CEACAM19: variants seen among roughly 807,000 people sequenced by gnomAD.
The protein encoded by CEACAM19 is CEA cell adhesion molecule 19.
Under a neutral mutation model 37.6 loss-of-function variants are expected in CEACAM19, and 37 were observed. The ratio of observed to expected loss-of-function variants is 0.98; its 90% CI spans 0.76 to 1.29. CEACAM19 has a LOEUF of 1.29. Ranked by LOEUF, CEACAM19 falls within the 50% of genes most tolerant of loss-of-function variation. The probability of loss-of-function intolerance (pLI) is 0.00; values close to 1 mark genes in which losing one functional copy is unlikely to be tolerated. For synonymous variants in CEACAM19, 140 were observed against 149.8 expected, an observed-to-expected ratio of 0.93 and a Z score of 0.48; for missense variants, 340 against 375.6, an observed-to-expected ratio of 0.91 and a Z score of 0.78.
upstream of CEACAM19, among the ~76,000 whole-genome samples, chr19:44,669,447 A>G (rs1044370268): frequency 6.6e-6 from 1 of 152,014 alleles, no homozygotes; most frequent in Non-Finnish European, 1.5e-5. Flanking sequence ...AAATAGCCAC[A>G]TATGACTAAT....
intron 3 of CEACAM19, 127 bp from the exon 4 acceptor site, chr19:44,678,726 A>C: frequency 1.5e-6 from 2 of 1,364,518 alleles, no homozygotes; most frequent in Non-Finnish European, 2.0e-6. Context: ...TTTTTTACTC[A>C]AAACCGCACA....
chr19:44,674,019 G>T (rs1973902500), intron 2 of CEACAM19, among the ~76,000 whole-genome samples: 1 of 152,126 alleles, frequency 6.6e-6, no homozygotes, highest in African/African-American at 2.4e-5. Context: ...GCTGAAGTGG[G>T]TGGATCACCT....
At chr19:44,669,870 A>C (rs185066826), upstream of CEACAM19, among the ~76,000 whole-genome samples, 6 of 152,196 alleles carry the variant, frequency 3.9e-5, no homozygotes, top group East Asian at 1.2e-3. Flanking sequence ...ATTGTGTGAG[A>C]GGGGTCTGCC....
At chr19:44,676,232 C>T (rs1973945929) in intron 2 of CEACAM19, 39 bp from the exon 3 acceptor site, 1 of 1,605,408 alleles carries the variant, frequency 6.2e-7, no homozygotes, top group Non-Finnish European at 8.5e-7. Flanking sequence ...GGAGACATCG[C>T]ACAGTCCCCC....
intron 4 of CEACAM19, 39 bp downstream of exon 4, chr19:44,678,975 C>T: frequency 6.2e-7 from 1 of 1,610,858 alleles, no homozygotes; most frequent in South Asian, 1.1e-5. Flanking sequence ...AACTAACAAA[C>T]TTGCTATAGC....
At chr19:44,675,624 A>C (rs2122134363) in intron 2 of CEACAM19, among the ~76,000 whole-genome samples, 1 of 152,164 alleles carries the variant, frequency 6.6e-6, no homozygotes, top group Non-Finnish European at 1.5e-5. Flanking sequence ...CTTCTTTACA[A>C]AAAATTTAAA....
Position 44,683,746 on chromosome 19 carries a change from T to C in CEACAM19, c.*256T>C. 1 of 383,416 alleles carries C rather than the reference T, an allele frequency of 2.6e-6. No homozygotes were observed. The highest frequency in any genetic ancestry group is 4.6e-6 in the Non-Finnish European group (1 of 216,130). 23.8% of individuals were successfully genotyped at this position (383,416 alleles called of 1,614,324 possible). A position where few individuals can be genotyped will look rare whatever the true frequency, so the allele number is the denominator to read the frequency against. On this transcript the variant is annotated 3_prime_UTR_variant, in exon 8 of 8. Transcript: ENST00000358777. The stretch of plus-strand genomic sequence containing the variant: ...CCTTCAAGCAAGCTGGCCTGGGCCA[T>C]GTGCCTGTGAAAGGCAGGCTCTGGC...
At chr19:44,677,139 TC>T (rs1485002445) in intron 3 of CEACAM19, among the ~76,000 whole-genome samples, 1 of 152,186 alleles carries the variant, frequency 6.6e-6, no homozygotes, top group African/African-American at 2.4e-5. Context: ...ACCACCTTGT[TC>T]CTGGTAGTTC....
chr19:44,681,656 G>T (rs934054807), intron 6 of CEACAM19, among the ~76,000 whole-genome samples: 1 of 152,158 alleles, frequency 6.6e-6, no homozygotes, highest in Admixed American at 6.5e-5. Context: ...TAGGCTGGGC[G>T]TGGTGGCTCA....
intron 1 of CEACAM19, 91 bp downstream of exon 1, chr19:44,672,077 C>A: frequency 9.5e-7 from 1 of 1,051,474 alleles, no homozygotes; most frequent in Non-Finnish European, 1.4e-6. Flanking sequence ...GGAAAGATTA[C>A]CTGAGAGGAT....
intron 2 of CEACAM19, chr19:44,673,610 G>C (rs1447208042): frequency 6.6e-6 from 1 of 152,082 alleles, no homozygotes; most frequent in Non-Finnish European, 1.5e-5. Context: ...TCCACCCTGG[G>C]ATAAGAATCA....
upstream of CEACAM19, among the ~76,000 whole-genome samples, chr19:44,667,577 TTATA>T (rs979789529): frequency 5.2e-5 from 6 of 114,544 alleles, no homozygotes; most frequent in African/African-American, 1.3e-4. Context: ...TATATATAAA[TTATA>T]TATGTATATA....
chr19:44,670,037 C>G (rs547576255), upstream of CEACAM19, among the ~76,000 whole-genome samples: 1 of 152,212 alleles, frequency 6.6e-6, no homozygotes, highest in East Asian at 1.9e-4. Flanking sequence ...AAAAACTAGG[C>G]TAAGCCAGGT....
upstream of CEACAM19, among the ~76,000 whole-genome samples, chr19:44,668,069 A>G (rs1351084674): frequency 2.3e-5 from 2 of 86,238 alleles, no homozygotes; most frequent in African/African-American, 9.9e-5. Flanking sequence ...AATATATAAT[A>G]TATAAATATA....
intron 3 of CEACAM19, chr19:44,678,529 G>A (rs950272689): frequency 1.0e-5 from 2 of 192,522 alleles, no homozygotes; most frequent in Non-Finnish European, 2.1e-5. Flanking sequence ...TCCTGCCTCA[G>A]CTTCCTGAGT....
intron 4 of CEACAM19, among the ~76,000 whole-genome samples, chr19:44,679,748 CAAAAA>C (rs200399838): frequency 3.6e-5 from 5 of 137,068 alleles, no homozygotes; most frequent in East Asian, 2.1e-4. Flanking sequence ...GACTCTGTCT[CAAAAA>C]AAAAAATTAA....
At chr19:44,678,808 G>A in intron 3 of CEACAM19, 45 bp from the exon 4 acceptor site, 1 of 1,606,592 alleles carries the variant, frequency 6.2e-7, no homozygotes, top group Non-Finnish European at 8.5e-7. Flanking sequence ...ATATTCTACT[G>A]TCAATGCTTT....
rs766412494 is a variant in CEACAM19 at position 44,672,646 on chromosome 19, A to C, written c.106A>C (p.Ile36Leu). The change falls in exon 2 of 8, where the codon ATC becomes CTC. Residue 36 changes from isoleucine to leucine, a missense_variant. Coordinates refer to ENST00000358777, the MANE Select transcript of CEACAM19 (RefSeq NM_001127893.3). ...MLQGSQAALY[I>L]QKIPEQPQKN... ...CCAAGGCTCCCAGGCAGCTCTCTAC[A>C]TCCAGAAGATTCCAGAGCAGCCTCA... is the stretch of plus-strand genomic sequence containing the variant. 3 of 1,512,880 alleles carry C rather than the reference A, an allele frequency of 2.0e-6. No individual in the cohort carries two copies. The highest frequency in any genetic ancestry group is 4.4e-5 in the Admixed American group (2 of 45,546). The allele number at this position is 1,512,880 out of a possible 1,614,324, so 93.7% of individuals were successfully genotyped here. A position where few individuals can be genotyped will look rare whatever the true frequency, so the allele number is the denominator to read the frequency against.
rs1248326106 is a variant in CEACAM19 at position 44,676,410 on chromosome 19, C to T, written c.564C>T (p.Gly188=). The stretch of plus-strand genomic sequence containing the variant: ...TCCTGGTGACAAGGAACTGGAGGGG[C>T]CAGAGCCACAGGTACAGGGTCCCCA... ...AYLLVTRNWR[G]QSHRLPAPRG... The change falls in exon 3 of 8, where the codon GGC becomes GGT. Residue 188 remains glycine (G), a synonymous_variant. Transcript: ENST00000358777. 1 of 1,614,050 alleles carries T rather than the reference C, an allele frequency of 6.2e-7. No individual in the cohort carries two copies. Among genetic ancestry groups the T allele is most frequent in the Admixed American group, 1.7e-5 (1 of 59,996 alleles).
Sources: gnomAD v4.1 joint callset for allele counts (sites outside exome capture counted in the v4.1 genomes callset) on GRCh38, gnomAD v4.1.1 for gene constraint, MANE v1.5 for transcripts, NCBI Gene and HGNC (gene_info 2026-07-23, HGNC 2026-07-21) for gene names.